Variants in CDC42BPA observed in about 807,000 individuals in gnomAD.
The protein encoded by CDC42BPA is CDC42 binding protein kinase alpha.
In CDC42BPA, 80 loss-of-function variants were observed where a neutral mutation model predicts 223.5. That is an observed-to-expected ratio of 0.36 (90% CI 0.30 to 0.43). The LOEUF (loss-of-function observed/expected upper bound fraction) is 0.43. Among genes scored for constraint, CDC42BPA ranks in the 20% least tolerant of loss-of-function variants. CDC42BPA has a pLI of 1.00. For synonymous variants in CDC42BPA, 694 were observed against 718.6 expected, an observed-to-expected ratio of 0.97 and a Z score of 0.55; for missense variants, 1,743 against 2,099.9, an observed-to-expected ratio of 0.83 and a Z score of 3.32.
intron 10 of CDC42BPA, among the ~76,000 whole-genome samples, chr1:227,133,227 C>A (rs1657688231): frequency 6.6e-6 from 1 of 150,968 alleles, no homozygotes; most frequent in African/African-American, 2.4e-5. Flanking sequence ...GGGTCAGCCC[C>A]CCGCCCGGCC....
At chr1:227,039,745 T>C (rs964361639) in intron 24 of CDC42BPA, among the ~76,000 whole-genome samples, 1 of 152,132 alleles carries the variant, frequency 6.6e-6, no homozygotes, top group Non-Finnish European at 1.5e-5. Flanking sequence ...AATACAGGAA[T>C]AAAATATCTT....
Position 227,275,197 on chromosome 1 carries a change from T to G in CDC42BPA, c.179-21042A>C, listed in dbSNP as rs143319825. Among the ~76,000 whole-genome samples the G allele has an allele frequency of 4.9e-3, 680 of 138,368 alleles. 2 individuals are homozygous for G. Among genetic ancestry groups the G allele is most frequent in the African/African-American group, 0.017 (632 of 36,160 alleles). 90.8% of individuals were successfully genotyped at this position (138,368 alleles called of 152,430 possible). On this transcript the variant is annotated intron_variant, in intron 1 of 36. Transcript: ENST00000366766. ...GCTCTTTTAAAAAAGCATTGGAAAT[T>G]AAGACATAACTCTAAACAATTCACA...
chr1:227,270,586 A>G (rs749652595), intron 1 of CDC42BPA, among the ~76,000 whole-genome samples: 15 of 152,232 alleles, frequency 9.9e-5, no homozygotes, highest in Admixed American at 3.9e-4. Flanking sequence ...GAAAAAATAC[A>G]TAACATAAAA....
intron 5 of CDC42BPA, among the ~76,000 whole-genome samples, chr1:227,179,388 G>A (rs1667511319): frequency 6.6e-6 from 1 of 152,094 alleles, no homozygotes; most frequent in African/African-American, 2.4e-5. Flanking sequence ...TGTAATCCCA[G>A]CACTTTGGGA....
chr1:227,072,383 G>A, intron 19 of CDC42BPA, 84 bp from the exon 20 acceptor site: 1 of 736,394 alleles, frequency 1.4e-6, no homozygotes, highest in South Asian at 1.7e-5. Context: ...AAACTTACTT[G>A]GTTTAAATGT....
intron 28 of CDC42BPA, 22 bp from the exon 29 acceptor site, chr1:227,030,492 A>G: frequency 6.7e-7 from 1 of 1,483,834 alleles, no homozygotes; most frequent in South Asian, 1.3e-5. Context: ...ATGAATGTGA[A>G]AGATTTTTAT....
At chr1:227,292,149 AT>A (rs573452906) in intron 1 of CDC42BPA, among the ~76,000 whole-genome samples, 260 of 152,110 alleles carry the variant, frequency 1.7e-3, no homozygotes, top group Middle Eastern at 3.4e-3. Context: ...TGCCCGGCTT[AT>A]TTTTGTATTC....
At chr1:227,002,013 TTATA>T (rs2148326963) in intron 35 of CDC42BPA, among the ~76,000 whole-genome samples, 1 of 152,354 alleles carries the variant, frequency 6.6e-6, no homozygotes, top group African/African-American at 2.4e-5. Flanking sequence ...TAGGCTTTAT[TTATA>T]AAGACTACAT....
intron 11 of CDC42BPA, among the ~76,000 whole-genome samples, chr1:227,120,371 G>A (rs1688459955): frequency 6.6e-6 from 1 of 152,150 alleles, no homozygotes; most frequent in Admixed American, 6.6e-5. Flanking sequence ...ACTCAGTCTA[G>A]TTTCACCACT....
chr1:227,179,374 C>G (rs750641868), intron 5 of CDC42BPA, among the ~76,000 whole-genome samples: 55 of 152,072 alleles, frequency 3.6e-4, no homozygotes, highest in Non-Finnish European at 6.5e-4. Flanking sequence ...TGGTGGCTCA[C>G]GCCTGTAATC....
At chr1:227,143,114 TA>T (rs1029042883) in intron 8 of CDC42BPA, 90 bp from the exon 9 acceptor site, 183 of 739,632 alleles carry the variant, frequency 2.5e-4, no homozygotes, top group East Asian at 3.0e-4. Flanking sequence ...AAGAAATATT[TA>T]AAAAAAAATT....
intron 30 of CDC42BPA, among the ~76,000 whole-genome samples, chr1:227,026,369 TAA>T (rs1345453143): frequency 6.6e-6 from 1 of 152,214 alleles, no homozygotes; most frequent in Non-Finnish European, 1.5e-5. Flanking sequence ...ATAGCCGTTA[TAA>T]TATAGACGGA....
chr1:227,206,819 A>C (rs1001691595), intron 3 of CDC42BPA, among the ~76,000 whole-genome samples: 5 of 152,138 alleles, frequency 3.3e-5, no homozygotes, highest in African/African-American at 1.2e-4. Flanking sequence ...AATAAATCAC[A>C]CTTGGGCATG....
intron 12 of CDC42BPA, among the ~76,000 whole-genome samples, chr1:227,116,499 C>G (rs1687797640): frequency 6.6e-6 from 1 of 152,082 alleles, no homozygotes. Flanking sequence ...AATCGGGGAA[C>G]AAGATGGGGA....
At chr1:227,074,225 T>C (rs1383257918) in intron 18 of CDC42BPA, 34 bp downstream of exon 18, 2 of 1,488,738 alleles carry the variant, frequency 1.3e-6, no homozygotes, top group East Asian at 2.3e-5. Context: ...TTTTCTAATA[T>C]GATAAGCCTC....
At chr1:227,239,047 T>A (rs1472677606) in intron 2 of CDC42BPA, among the ~76,000 whole-genome samples, 1 of 152,196 alleles carries the variant, frequency 6.6e-6, no homozygotes, top group African/African-American at 2.4e-5. Context: ...GTACATGGAA[T>A]GTTCAATGCA....
At chr1:226,998,251 A>G (rs1445741676) in intron 35 of CDC42BPA, among the ~76,000 whole-genome samples, 1 of 152,260 alleles carries the variant, frequency 6.6e-6, no homozygotes, top group Non-Finnish European at 1.5e-5. Flanking sequence ...TGTTATCCCC[A>G]TCAAGCTACC....
At chr1:227,064,924 C>T (rs1349439449) in intron 21 of CDC42BPA, among the ~76,000 whole-genome samples, 2 of 151,932 alleles carry the variant, frequency 1.3e-5, no homozygotes, top group African/African-American at 4.8e-5. Flanking sequence ...GGTGAAACCC[C>T]ATCTCTACTA....
chr1:227,177,692 C>A (rs1446824590), intron 5 of CDC42BPA, among the ~76,000 whole-genome samples: 1 of 152,160 alleles, frequency 6.6e-6, no homozygotes, highest in Non-Finnish European at 1.5e-5. Flanking sequence ...TTTTATTCTA[C>A]AAATTCATGT....
Sources: allele counts gnomAD v4.1 joint callset (sites outside exome capture counted in the v4.1 genomes callset), GRCh38; gene constraint gnomAD v4.1.1; transcripts MANE v1.5; gene names NCBI Gene and HGNC (gene_info 2026-07-23, HGNC 2026-07-21).